SNRPN: variants seen among roughly 807,000 people sequenced by gnomAD.
SNRPN encodes small nuclear ribonucleoprotein-associated protein N.
SNRPN carries 7 observed loss-of-function variants against 25.2 expected under a neutral mutation model. That is an observed-to-expected ratio of 0.28 (90% CI 0.16 to 0.52). The LOEUF is 0.52. Ranked by LOEUF, SNRPN falls within the 20% of genes least tolerant of loss-of-function variation. The pLI is 0.96. For missense variants in SNRPN, 196 were observed against 322.5 expected, an observed-to-expected ratio of 0.61 and a Z score of 3.00; for synonymous variants, 124 against 110.6, an observed-to-expected ratio of 1.12 and a Z score of -0.76.
At chr15:24,826,572 A>T (rs2050095560) in intron 1 of SNRPN, among the ~76,000 whole-genome samples, 1 of 152,224 alleles carries the variant, frequency 6.6e-6, no homozygotes, top group African/African-American at 2.4e-5. Flanking sequence ...CTTGACGATT[A>T]CTGTGTCTCT....
At chr15:24,972,007 G>T (rs1114937) in intron 3 of SNRPN, among the ~76,000 whole-genome samples, 2 of 152,140 alleles carry the variant, frequency 1.3e-5, no homozygotes, top group Non-Finnish European at 2.9e-5. Flanking sequence ...TGTAATCCTA[G>T]CACTTGGGGA....
chr15:24,907,429 C>T (rs1299096880), intron 2 of SNRPN, among the ~76,000 whole-genome samples: 1 of 151,848 alleles, frequency 6.6e-6, no homozygotes, highest in African/African-American at 2.4e-5. Flanking sequence ...AACCCCGTCT[C>T]TACTAAAAAT....
At chr15:24,885,172 C>T (rs967467740) in intron 1 of SNRPN, among the ~76,000 whole-genome samples, 3 of 151,762 alleles carry the variant, frequency 2.0e-5, no homozygotes, top group Admixed American at 2.0e-4. Context: ...GGTATTGGGA[C>T]ATCTGGATTT....
chr15:24,862,429 A>G (rs2054070632), intron 1 of SNRPN, among the ~76,000 whole-genome samples: 1 of 150,874 alleles, frequency 6.6e-6, no homozygotes, highest in Non-Finnish European at 1.5e-5. Flanking sequence ...AGAGAGCACA[A>G]GAAACAGGTT....
At chr15:24,889,507 G>T (rs1010011222) in intron 2 of SNRPN, among the ~76,000 whole-genome samples, 2 of 150,520 alleles carry the variant, frequency 1.3e-5, no homozygotes, top group Non-Finnish European at 3.0e-5. Context: ...GGGTTTCACC[G>T]TGTTAGCCAG....
intron 2 of SNRPN, 90 bp downstream of exon 2, chr15:24,962,299 A>G (rs745335026): frequency 6.3e-5 from 65 of 1,036,298 alleles, no homozygotes; most frequent in Non-Finnish European, 9.4e-5. Flanking sequence ...ATTAAAATGA[A>G]CATAATTGAA....
intron 1 of SNRPN, chr15:24,958,606 C>G (rs2074268797): frequency 6.7e-6 from 1 of 149,414 alleles, no homozygotes; most frequent in Admixed American, 6.8e-5. Context: ...CAGTCTCTCT[C>G]TGGCCACTGT....
intron 2 of SNRPN, among the ~76,000 whole-genome samples, chr15:24,838,334 G>A (rs556343387): frequency 3.3e-5 from 5 of 152,138 alleles, no homozygotes; most frequent in African/African-American, 7.2e-5. Context: ...CATGCCCGGC[G>A]CCAACTCTTT....
At chr15:24,827,611 G>A (rs1313610468) in intron 1 of SNRPN, among the ~76,000 whole-genome samples, 1 of 151,560 alleles carries the variant, frequency 6.6e-6, no homozygotes, top group Admixed American at 6.6e-5. Flanking sequence ...GCTCACGTCT[G>A]TAATCCCAGC....
intron 2 of SNRPN, among the ~76,000 whole-genome samples, chr15:24,898,102 G>A (rs537363257): frequency 6.6e-6 from 1 of 152,200 alleles, no homozygotes; most frequent in African/African-American, 2.4e-5. Flanking sequence ...CATTTGGACT[G>A]CTAACACCAT....
At chr15:24,904,868 G>A (rs1377798142) in intron 2 of SNRPN, among the ~76,000 whole-genome samples, 1 of 149,726 alleles carries the variant, frequency 6.7e-6, no homozygotes, top group Non-Finnish European at 1.5e-5. Flanking sequence ...GCGTGAACCC[G>A]GGAAGTGGAG....
chr15:24,900,038 CAATT>C (rs1320524553), intron 2 of SNRPN, among the ~76,000 whole-genome samples: 2 of 152,102 alleles, frequency 1.3e-5, no homozygotes, highest in Admixed American at 6.6e-5. Flanking sequence ...AGTGGTATCA[CAATT>C]AATCAAGCAA....
intron 2 of SNRPN, among the ~76,000 whole-genome samples, chr15:24,911,355 A>T (rs2059202555): frequency 6.6e-6 from 1 of 152,148 alleles, no homozygotes; most frequent in South Asian, 2.1e-4. Flanking sequence ...GACCCTGAAG[A>T]CATTTCAGAG....
intron 2 of SNRPN, among the ~76,000 whole-genome samples, chr15:24,896,083 G>A (rs958914658): frequency 6.6e-6 from 1 of 152,202 alleles, no homozygotes; most frequent in Non-Finnish European, 1.5e-5. Flanking sequence ...GAACACATTA[G>A]TTCTTTCTAG....
chr15:24,918,821 T>C (rs191848285), intron 2 of SNRPN, among the ~76,000 whole-genome samples: 1,821 of 117,118 alleles, frequency 0.016, 318 homozygotes, highest in Middle Eastern at 0.025. Context: ...TATATATATG[T>C]GCGCATATAT....
chr15:24,861,090 C>G (rs541187576), intron 1 of SNRPN, among the ~76,000 whole-genome samples: 16 of 152,274 alleles, frequency 1.1e-4, no homozygotes, highest in African/African-American at 3.4e-4. Context: ...GCCTGGGCAA[C>G]AGAGTGAGAC....
At chr15:24,939,564 C>T (rs1182192193) in intron 3 of SNRPN, among the ~76,000 whole-genome samples, 1 of 152,094 alleles carries the variant, frequency 6.6e-6, no homozygotes, top group African/African-American at 2.4e-5. Flanking sequence ...TCATGAGTAG[C>T]TGAGATTACA....
intron 7 of SNRPN, 116 bp from the exon 8 acceptor site, chr15:24,977,662 G>A: frequency 1.0e-6 from 1 of 1,003,092 alleles, no homozygotes; most frequent in Admixed American, 2.9e-5. Flanking sequence ...AATAATGAGA[G>A]AAGTACATTG....
chr15:24,914,768 A>G (rs2059417497), intron 2 of SNRPN, among the ~76,000 whole-genome samples: 1 of 152,142 alleles, frequency 6.6e-6, no homozygotes, highest in Non-Finnish European at 1.5e-5. Flanking sequence ...ATATTCAGTG[A>G]TACTTATTAA....
Sources: gnomAD v4.1 joint callset for allele counts (sites outside exome capture counted in the v4.1 genomes callset) on GRCh38, gnomAD v4.1.1 for gene constraint, MANE v1.5 for transcripts, NCBI Gene and HGNC (gene_info 2026-07-23, HGNC 2026-07-21) for gene names.